Variants in IFT57 observed in about 807,000 individuals in gnomAD.
IFT57 encodes the protein intraflagellar transport protein 57 homolog.
A neutral mutation model predicts 56.8 loss-of-function variants in IFT57; 59 were observed. That is an observed-to-expected ratio of 1.04 (90% CI 0.84 to 1.29). The LOEUF (loss-of-function observed/expected upper bound fraction) is 1.29, where lower values mean the gene tolerates loss of function less well. Among genes scored for constraint, IFT57 ranks in the 50% most tolerant of loss-of-function variants. The pLI is 0.00. For missense variants in IFT57, 470 were observed against 522.1 expected (o/e 0.90, Z 0.97); for synonymous variants, 209 against 186.1 (o/e 1.12, Z -1.00).
intron 1 of IFT57, among the ~76,000 whole-genome samples, chr3:108,221,747 C>G (rs781457424): frequency 6.6e-6 from 1 of 151,612 alleles, no homozygotes; most frequent in African/African-American, 2.4e-5. Flanking sequence ...TATAATTTTT[C>G]TAGACATTTA....
At chr3:108,214,112 G>A (rs2080358164) in intron 3 of IFT57, 91 bp from the exon 4 acceptor site, 2 of 672,726 alleles carry the variant, frequency 3.0e-6, no homozygotes, top group African/African-American at 1.8e-5. Flanking sequence ...TCTATGCCAG[G>A]TTTTGTCCTT....
intron 6 of IFT57, among the ~76,000 whole-genome samples, chr3:108,189,844 TG>T (rs1478390957): frequency 6.6e-6 from 1 of 152,224 alleles, no homozygotes; most frequent in Admixed American, 6.5e-5. Flanking sequence ...TTATGTTATA[TG>T]TATTATATAC....
rs190577289 is a variant in IFT57, at chr3:108,205,418, G to A, written c.654+1210C>T. ...CACACTGAGGCAAGTTGACCACAAC[G>A]TTATATTACATCTCAAGTTGGGCAG... is the stretch of plus-strand genomic sequence containing the variant. On this transcript the variant is annotated intron_variant, in intron 5 of 10. Transcript: ENST00000264538. Among the ~76,000 whole-genome samples the A allele has an allele frequency of 5.3e-5, 8 of 152,050 alleles. No homozygotes were observed. The East Asian group carries it at 7.7e-4, about 15-fold the overall frequency.
intron 5 of IFT57, among the ~76,000 whole-genome samples, chr3:108,203,019 G>A (rs1296677763): frequency 2.6e-5 from 4 of 152,178 alleles, no homozygotes; most frequent in Admixed American, 6.5e-5. Flanking sequence ...TGGTAATTAG[G>A]AAGATGGGTC....
rs1406574162 is a variant in IFT57, at chr3:108,222,410, G to C, written c.-88C>G. The C allele has an allele frequency of 6.9e-6, 8 of 1,160,182 alleles. No homozygotes were observed. The highest frequency in any genetic ancestry group is 1.7e-5 in the South Asian group (1 of 59,694). The allele number at this position is 1,160,182 out of a possible 1,614,324, so 71.9% of individuals were successfully genotyped here. On this transcript the variant is annotated 5_prime_UTR_variant, in exon 1 of 11. Transcript: ENST00000264538. ...GCCCTGCCGCCGCCAGTACAGCCAC[G>C]ACCGGTTACCAGGCGACCACCGGAC...
chr3:108,167,918 T>A, intron 6 of IFT57, 54 bp from the exon 7 acceptor site: 1 of 1,345,498 alleles, frequency 7.4e-7, no homozygotes, highest in Non-Finnish European at 1.0e-6. Context: ...TTTCCATCTT[T>A]CCCTACTTCT....
chr3:108,166,194 T>C (rs1420276486), intron 8 of IFT57, among the ~76,000 whole-genome samples: 1 of 152,054 alleles, frequency 6.6e-6, no homozygotes, highest in Non-Finnish European at 1.5e-5. Flanking sequence ...ACAAAAAATA[T>C]GCCTTCAACT....
intron 6 of IFT57, among the ~76,000 whole-genome samples, chr3:108,174,891 TA>T (rs1472176050): frequency 6.6e-6 from 1 of 151,812 alleles, no homozygotes; most frequent in Non-Finnish European, 1.5e-5. Context: ...TATGTGAAAA[TA>T]AATATGTTAT....
intron 4 of IFT57, among the ~76,000 whole-genome samples, chr3:108,212,331 C>T (rs62267890): frequency 0.091 from 13,908 of 152,202 alleles, 701 homozygotes; most frequent in Middle Eastern, 0.12. Context: ...CCCACCGCCT[C>T]CCGAAGAGCT....
At chr3:108,166,244 G>A (rs1216688609) in intron 8 of IFT57, among the ~76,000 whole-genome samples, 1 of 152,020 alleles carries the variant, frequency 6.6e-6, no homozygotes, top group African/African-American at 2.4e-5. Flanking sequence ...TTTAACATCA[G>A]AAAATAGGGG....
rs749359150 is a variant in IFT57 at position 108,162,515 on chromosome 3, C to A, written c.1252G>T (p.Ala418Ser). 21 of 1,609,562 alleles carry A rather than the reference C, an allele frequency of 1.3e-5. No homozygotes were observed. The highest frequency in any genetic ancestry group is 1.6e-5 in the Non-Finnish European group (19 of 1,177,248). Residue 418 changes from alanine to serine, a missense_variant, in exon 11 of 11, where the codon GCC becomes TCC. Physicochemically the swap from Ala to Ser is moderately conservative, Grantham distance 99. Transcript: ENST00000264538. The stretch of plus-strand genomic sequence containing the variant: ...GTTGCTGGTTCTGGAATAACTGTGG[C>A]ATGCATGTTCCTAGTCATGTTGGAC... ...EKSNMTRNMH[A>S]TVIPEPATGF...
chr3:108,222,083 C>A, intron 1 of IFT57, 28 bp downstream of exon 1: 1 of 1,565,404 alleles, frequency 6.4e-7, no homozygotes, highest in Non-Finnish European at 8.6e-7. Context: ...TAGCAGGCAC[C>A]CGGGCGCTCG....
At chr3:108,206,143 C>A (rs2080311868) in intron 5 of IFT57, among the ~76,000 whole-genome samples, 1 of 138,266 alleles carries the variant, frequency 7.2e-6, no homozygotes, top group African/African-American at 2.7e-5. Flanking sequence ...TCTGAAATAT[C>A]TCATTGTATA....
Position 108,167,820 on chromosome 3 carries a change from T to G in IFT57, c.822A>C (p.Gly274=). 6.3e-7 allele frequency: 1 copy of G among 1,591,586 alleles called. No individual in the cohort carries two copies. The highest frequency in any genetic ancestry group is 8.5e-7 in the Non-Finnish European group (1 of 1,169,630). The change falls in exon 7 of 11, where the codon GGA becomes GGC. Residue 274 remains glycine, a synonymous_variant. Transcript: ENST00000264538. ...HVDQMHQHRS[G]IESALKETKG... Reference sequence around the variant, plus strand: ...TGGTCTCCTTTAGAGCAGATTCAATTCCACTTCTGTGCTGGTGCATTTGGT... The same window carrying G: ...TGGTCTCCTTTAGAGCAGATTCAATGCCACTTCTGTGCTGGTGCATTTGGT...
At chr3:108,181,158 G>T (rs1288040785) in intron 6 of IFT57, among the ~76,000 whole-genome samples, 5 of 151,906 alleles carry the variant, frequency 3.3e-5, no homozygotes, top group Admixed American at 3.3e-4. Context: ...ATCACACTCA[G>T]GGTAAATAGG....
rs772626580 is a variant in IFT57, at chr3:108,162,444, C to T, written c.*33G>A. ...TGAAATATAGTTTGATATAAAAAAC[C>T]CAACTAATCAGAAACATGAAAACCA... On this transcript the variant is annotated 3_prime_UTR_variant, in exon 11 of 11. Coordinates refer to ENST00000264538, the MANE Select transcript of IFT57 (RefSeq NM_018010.4). 3.3e-6 allele frequency: 5 copies of T among 1,525,306 alleles called. No individual in the cohort carries two copies. Among genetic ancestry groups the T allele is most frequent in the South Asian group, 1.3e-5 (1 of 78,934 alleles). The allele number at this position is 1,525,306 out of a possible 1,614,324, so 94.5% of individuals were successfully genotyped here.
At chr3:108,200,013 G>A (rs2080269074) in intron 5 of IFT57, among the ~76,000 whole-genome samples, 1 of 152,250 alleles carries the variant, frequency 6.6e-6, no homozygotes, top group East Asian at 1.9e-4. Flanking sequence ...TGGAATAAAG[G>A]GTTTGTAGAA....
chr3:108,162,412 T>C lies in IFT57; in HGVS notation c.*65A>G. 3.8e-6 allele frequency: 5 copies of C among 1,308,164 alleles called. No homozygotes were observed. The highest frequency in any genetic ancestry group is 5.3e-6 in the Non-Finnish European group (5 of 948,470). 81.0% of individuals were successfully genotyped at this position (1,308,164 alleles called of 1,614,324 possible). Reference sequence around the variant, plus strand: ...ACATAAAATTATGTTTTGAAATCTATGCAACATGAAATATAGTTTGATATA... The same window carrying C: ...ACATAAAATTATGTTTTGAAATCTACGCAACATGAAATATAGTTTGATATA... On this transcript the variant is annotated 3_prime_UTR_variant, in exon 11 of 11. Transcript: ENST00000264538.
At chr3:108,206,259 C>T (rs1300420893) in intron 5 of IFT57, among the ~76,000 whole-genome samples, 3 of 150,288 alleles carry the variant, frequency 2.0e-5, no homozygotes, top group Non-Finnish European at 3.0e-5. Flanking sequence ...ATTTAAAGAG[C>T]TACAATTTAA....
Sources: allele counts gnomAD v4.1 joint callset (sites outside exome capture counted in the v4.1 genomes callset), GRCh38; gene constraint gnomAD v4.1.1; transcripts MANE v1.5; gene names NCBI Gene and HGNC (gene_info 2026-07-23, HGNC 2026-07-21).